Variants in DAZAP1 observed in about 807,000 individuals in gnomAD.
DAZAP1 encodes the protein DAZ associated protein 1, also known as DAZ-associated protein 1.
DAZAP1 carries 6 observed loss-of-function variants against 60.1 expected under a neutral mutation model. The ratio of observed to expected loss-of-function variants is 0.10; its 90% CI spans 0.05 to 0.20. DAZAP1 has a LOEUF of 0.20. DAZAP1 is among the 10% of genes least tolerant of loss of function. DAZAP1 has a pLI of 1.00. For missense variants in DAZAP1, 366 were observed against 560.4 expected (o/e 0.65, Z 3.50); for synonymous variants, 235 against 215.9 (o/e 1.09, Z -0.78).
At chr19:1,419,684 T>C (rs2038843080) in intron 4 of DAZAP1, among the ~76,000 whole-genome samples, 1 of 152,158 alleles carries the variant, frequency 6.6e-6, no homozygotes. Context: ...TTTCTTAAGA[T>C]ATAATGGGCA....
chr19:1,407,887 G>T, intron 1 of DAZAP1, 85 bp downstream of exon 1: 5 of 1,018,136 alleles, frequency 4.9e-6, no homozygotes, highest in Non-Finnish European at 5.9e-6. Flanking sequence ...GCCGCCCCCC[G>T]GGGCCGCCCC....
intron 1 of DAZAP1, 119 bp downstream of exon 1, chr19:1,407,921 C>CG (rs999094389): frequency 1.1e-6 from 1 of 907,322 alleles, no homozygotes; most frequent in African/African-American, 1.8e-5. Flanking sequence ...CGGCCGGGGG[C>CG]GGACTCGGGA....
At chr19:1,415,562 G>GGGCT (rs1346480786) in intron 1 of DAZAP1, among the ~76,000 whole-genome samples, 1 of 151,998 alleles carries the variant, frequency 6.6e-6, no homozygotes, top group Non-Finnish European at 1.5e-5. Context: ...GATGTGGGCG[G>GGGCT]GGCTGGCCCT....
At chr19:1,431,076 G>C (rs1376913296) in intron 10 of DAZAP1, among the ~76,000 whole-genome samples, 1 of 151,782 alleles carries the variant, frequency 6.6e-6, no homozygotes. Context: ...TAATTGAAAA[G>C]CTGAGTGTAA....
chr19:1,432,006 C>G lies in DAZAP1; in HGVS notation c.872-508C>G, dbSNP rs1282374345. ...GGCTCTGCACACGGAGGCCTGTGGG[C>G]CAGATGACTGACAGGAGGGGAGTTG... is the stretch of plus-strand genomic sequence containing the variant. On this transcript the variant is annotated intron_variant, in intron 10 of 11. Transcript: ENST00000233078. This position sits in a 1 kb window ranked among gnomAD's most constrained non-coding sequence, Gnocchi z 4.9. The G allele has an allele frequency of 5.9e-6, 1 of 170,332 alleles. No homozygotes were observed. The highest frequency in any genetic ancestry group is 1.3e-5 in the Non-Finnish European group (1 of 78,648). 10.6% of individuals were successfully genotyped at this position (170,332 alleles called of 1,614,324 possible). A position where few individuals can be genotyped will look rare whatever the true frequency, so the allele number is the denominator to read the frequency against.
chr19:1,418,520 G>A lies in DAZAP1; in HGVS notation c.238-146G>A. On this transcript the variant is annotated intron_variant, in intron 3 of 11. Transcript: ENST00000233078. This position sits in a 1 kb window ranked among gnomAD's most constrained non-coding sequence, Gnocchi z 5.7. Reference sequence around the variant, plus strand: ...AGGATTAAGCCTTGGTGCTGAGGCTGGATATTGCAGGAGGATACAGGGTGA... The same window carrying A: ...AGGATTAAGCCTTGGTGCTGAGGCTAGATATTGCAGGAGGATACAGGGTGA... 2 of 1,415,494 alleles carry A rather than the reference G, an allele frequency of 1.4e-6. No individual in the cohort carries two copies. Among genetic ancestry groups the A allele is most frequent in the South Asian group, 2.4e-5 (2 of 83,758 alleles). 87.7% of individuals were successfully genotyped at this position (1,415,494 alleles called of 1,614,324 possible). A position where few individuals can be genotyped will look rare whatever the true frequency, so the allele number is the denominator to read the frequency against.
chr19:1,413,875 C>T (rs1600189957), intron 1 of DAZAP1, among the ~76,000 whole-genome samples: 1 of 152,282 alleles, frequency 6.6e-6, no homozygotes, highest in East Asian at 1.9e-4. Flanking sequence ...TATATAACTT[C>T]TGACTTACAG....
chr19:1,433,601 A>T lies in DAZAP1; in HGVS notation c.1048+911A>T. On this transcript the variant is annotated intron_variant, in intron 11 of 11. Transcript: ENST00000233078. The surrounding 1 kb of genome is among the most constrained non-coding windows in gnomAD (Gnocchi z 6.1). Reference sequence around the variant, plus strand: ...AGGTTGCCGCATGTGTGGGTTCTTGACCCACTCACCACCAAACCCTGGCGT... The same window carrying T: ...AGGTTGCCGCATGTGTGGGTTCTTGTCCCACTCACCACCAAACCCTGGCGT... The T allele has an allele frequency of 1.5e-6, 1 of 679,234 alleles. No homozygotes were observed. Among genetic ancestry groups the T allele is most frequent in the Non-Finnish European group, 2.5e-6 (1 of 393,628 alleles). 42.1% of individuals were successfully genotyped at this position (679,234 alleles called of 1,614,324 possible). A position where few individuals can be genotyped will look rare whatever the true frequency, so the allele number is the denominator to read the frequency against.
At position 1,418,301 on chromosome 19, in the gene DAZAP1, C is replaced by G; in HGVS notation, c.168C>G (p.Val56=). The G allele has an allele frequency of 6.2e-7, 1 of 1,614,138 alleles. No homozygotes were observed. Among genetic ancestry groups the G allele is most frequent in the South Asian group, 1.1e-5 (1 of 91,066 alleles). The change falls in exon 3 of 12, where the codon GTC becomes GTG. Residue 56 remains valine, a synonymous_variant. Transcript: ENST00000233078. The surrounding 1 kb of genome is among the most constrained non-coding windows in gnomAD (Gnocchi z 5.7). ...TTNQSRGFGF[V]KFKDPNCVGT... is the part of the protein sequence containing the mutation. Reference sequence around the variant, plus strand: ...ACCAGTCTCGAGGCTTTGGGTTTGTCAAATTTAAAGACCCAAACTGTGTGG... The same window carrying G: ...ACCAGTCTCGAGGCTTTGGGTTTGTGAAATTTAAAGACCCAAACTGTGTGG...
Position 1,426,634 on chromosome 19 carries a change from T to C in DAZAP1, c.546+674T>C, listed in dbSNP as rs1156514795. 3 of 152,164 alleles carry C rather than the reference T, an allele frequency of 2.0e-5. No homozygotes were observed. In the East Asian group the frequency reaches 5.8e-4, roughly 29 times the overall value. 9.4% of individuals were successfully genotyped at this position (152,164 alleles called of 1,614,324 possible). On this transcript the variant is annotated intron_variant, in intron 7 of 11. Coordinates refer to ENST00000233078, the MANE Select transcript of DAZAP1 (RefSeq NM_018959.4). This position sits in a 1 kb window ranked among gnomAD's most constrained non-coding sequence, Gnocchi z 5.4. The stretch of plus-strand genomic sequence containing the variant: ...TGTCAGAAAGGGGTCCCTAAATCCT[T>C]GTTTTACCTGGACCCTTGGAGGTTC...
rs2083216913 is a variant in DAZAP1, at chr19:1,423,399, T to A, written c.463+1003T>A. On this transcript the variant is annotated intron_variant, in intron 6 of 11. Coordinates refer to ENST00000233078, the MANE Select transcript of DAZAP1 (RefSeq NM_018959.4). The surrounding 1 kb of genome is among the most constrained non-coding windows in gnomAD (Gnocchi z 6.8). ...TCCTTTTCTCTCTGTGAATTGTGTG[T>A]GATTAACGATATCTCTTTAGATTTC... Among the ~76,000 whole-genome samples the A allele has an allele frequency of 6.6e-6, 1 of 152,264 alleles. No homozygotes were observed. The highest frequency in any genetic ancestry group is 6.5e-5 in the Admixed American group (1 of 15,286).
intron 1 of DAZAP1, among the ~76,000 whole-genome samples, chr19:1,410,651 GGGTGGTAGACCA>G (rs1301752955): frequency 6.6e-6 from 1 of 152,234 alleles, no homozygotes; most frequent in Admixed American, 6.5e-5. Context: ...CTAGGCGCCT[GGGTGGTAGACCA>G]GGTGTCAGGG....
chr19:1,424,328 T>TCCCCCTCCCCCTCCTCC (rs2083247610), intron 6 of DAZAP1, among the ~76,000 whole-genome samples: 2 of 97,318 alleles, frequency 2.1e-5, no homozygotes, highest in African/African-American at 8.1e-5. Context: ...CCTCCTCCTC[T>TCCCCCTCCCCCTCCTCC]TCCCCCTCCC....
chr19:1,413,652 T>C (rs1055023575), intron 1 of DAZAP1, among the ~76,000 whole-genome samples: 3 of 152,086 alleles, frequency 2.0e-5, no homozygotes, highest in African/African-American at 7.2e-5. Flanking sequence ...AAACACACAG[T>C]GTGGCCGCGC....
Position 1,434,464 on chromosome 19 carries a change from T to G in DAZAP1, c.1049-273T>G. The G allele has an allele frequency of 1.8e-5, 7 of 390,434 alleles. No individual in the cohort carries two copies. The highest frequency in any genetic ancestry group is 3.3e-5 in the Non-Finnish European group (7 of 214,922). 24.2% of individuals were successfully genotyped at this position (390,434 alleles called of 1,614,324 possible). A position where few individuals can be genotyped will look rare whatever the true frequency, so the allele number is the denominator to read the frequency against. On this transcript the variant is annotated intron_variant, in intron 11 of 11. Transcript: ENST00000233078. This position sits in a 1 kb window ranked among gnomAD's most constrained non-coding sequence, Gnocchi z 8.0. ...CACCCCCCCAACCACGTCTTCGGGA[T>G]TGAACAGGGAAGCGGTGAGGTTACG...
At chr19:1,420,076 A>C (rs1341001515) in intron 4 of DAZAP1, among the ~76,000 whole-genome samples, 2 of 48,672 alleles carry the variant, frequency 4.1e-5, no homozygotes, top group African/African-American at 7.8e-5. Context: ...CCATCCCTAC[A>C]GTCACGGCAG....
Position 1,422,072 on chromosome 19 carries a change from C to G in DAZAP1, c.415-276C>G, listed in dbSNP as rs535970517. Among the ~76,000 whole-genome samples the G allele has an allele frequency of 1.3e-5, 2 of 152,288 alleles. No homozygotes were observed. The highest frequency in any genetic ancestry group is 2.4e-5 in the African/African-American group (1 of 41,560). On this transcript the variant is annotated intron_variant, in intron 5 of 11. Transcript: ENST00000233078. The surrounding 1 kb of genome is among the most constrained non-coding windows in gnomAD (Gnocchi z 4.5). ...TGTTGGCCCTTCATGTCCGTCAGCA[C>G]ACACGTGAGCGGGGCCACGGGCAGC...
intron 1 of DAZAP1, among the ~76,000 whole-genome samples, chr19:1,413,014 A>G (rs1344005828): frequency 6.6e-6 from 1 of 152,244 alleles, no homozygotes; most frequent in Non-Finnish European, 1.5e-5. Flanking sequence ...AGATGCCGTC[A>G]GCTGGGTGAT....
In DAZAP1 at chr19:1,429,008, C is replaced by T. The variant is rs770850114; in HGVS notation, c.700+13C>T. 2 of 1,565,444 alleles carry T rather than the reference C, an allele frequency of 1.3e-6. No individual in the cohort carries two copies. Among genetic ancestry groups the T allele is most frequent in the South Asian group, 2.4e-5 (2 of 84,784 alleles). On this transcript the variant is annotated intron_variant, in intron 8 of 11. Coordinates refer to ENST00000233078, the MANE Select transcript of DAZAP1 (RefSeq NM_018959.4). ...TATGGCCCGCAAGGTAAGGCTGATG[C>T]AGAGGTGCCCACGGGAATGTCCCCC...
Sources: allele counts gnomAD v4.1 joint callset (sites outside exome capture counted in the v4.1 genomes callset), GRCh38; gene constraint gnomAD v4.1.1; non-coding constraint Gnocchi (gnomAD v3.1); transcripts MANE v1.5; gene names NCBI Gene and HGNC (gene_info 2026-07-23, HGNC 2026-07-21).